The following UNC13B variants were observed in gnomAD, a reference collection of about 807,000 sequenced individuals.
UNC13B encodes the protein protein unc-13 homolog B.
Under a neutral mutation model 211.0 loss-of-function variants are expected in UNC13B, and 144 were observed. That is an observed-to-expected ratio of 0.68 (90% CI 0.60 to 0.78). UNC13B has a LOEUF of 0.78. Among genes scored for constraint, UNC13B ranks in the 30% least tolerant of loss-of-function variants. UNC13B has a pLI of 0.00. For synonymous variants in UNC13B, 709 were observed against 725.8 expected, an observed-to-expected ratio of 0.98 and a Z score of 0.37; for missense variants, 1,777 against 2,002.0, an observed-to-expected ratio of 0.89 and a Z score of 2.14.
In UNC13B at chr9:35,162,189, G is replaced by A; in HGVS notation, c.-95G>A. Reference sequence around the variant, plus strand: ...CATGAGGAGCTGCCAGACCCGTGGGGCCGGTAACGAGAGCAGTCGCGGCAC... The same window carrying A: ...CATGAGGAGCTGCCAGACCCGTGGGACCGGTAACGAGAGCAGTCGCGGCAC... On this transcript the variant is annotated 5_prime_UTR_variant, in exon 1 of 40. Coordinates refer to ENST00000635942, the MANE Select transcript of UNC13B (RefSeq NM_001371189.2). 1 of 1,524,410 alleles carries A rather than the reference G, an allele frequency of 6.6e-7. No individual in the cohort carries two copies. The highest frequency in any genetic ancestry group is 8.8e-7 in the Non-Finnish European group (1 of 1,133,610). The allele number at this position is 1,524,410 out of a possible 1,614,324, so 94.4% of individuals were successfully genotyped here.
chr9:35,290,188 T>C (rs1829020968), intron 7 of UNC13B, among the ~76,000 whole-genome samples: 1 of 152,066 alleles, frequency 6.6e-6, no homozygotes, highest in Non-Finnish European at 1.5e-5. Context: ...GCTTCTGTGT[T>C]TTAGTGGATT....
chr9:35,378,807 A>G (rs1834625438), intron 17 of UNC13B, among the ~76,000 whole-genome samples: 1 of 152,058 alleles, frequency 6.6e-6, no homozygotes, highest in East Asian at 1.9e-4. Context: ...AGGCTCTCAT[A>G]AGGAAGGCTC....
intron 9 of UNC13B, among the ~76,000 whole-genome samples, chr9:35,309,786 A>G (rs1189405559): frequency 2.0e-5 from 3 of 152,190 alleles, no homozygotes; most frequent in African/African-American, 7.2e-5. Context: ...TCAGTTACAG[A>G]TGTTCATCTT....
intron 11 of UNC13B, among the ~76,000 whole-genome samples, chr9:35,328,054 T>A (rs2131946317): frequency 6.6e-6 from 1 of 152,350 alleles, no homozygotes; most frequent in South Asian, 2.1e-4. Flanking sequence ...TGAGTCTCAC[T>A]CTGTTGCCCA....
In UNC13B at chr9:35,302,664, A is replaced by T. The variant is rs1267005247; in HGVS notation, c.3260A>T (p.Lys1087Ile). Reference sequence around the variant, plus strand: ...TTAGCCATCCCTGGAGTTGTGCCCAAAGAACATATAACTTCAGATCCTTTA... The same window carrying T: ...TTAGCCATCCCTGGAGTTGTGCCCATAGAACATATAACTTCAGATCCTTTA... ...DGLAIPGVVPKEHITSDPLGE... is the reference protein window; with the variant it reads ...DGLAIPGVVPIEHITSDPLGE... The change falls in exon 9 of 40, where the codon AAA becomes ATA. Residue 1087 changes from lysine to isoleucine, a missense_variant. Physicochemically the swap from Lys to Ile is moderately radical, Grantham distance 102. Transcript: ENST00000635942. The T allele has an allele frequency of 2.5e-6, 1 of 398,698 alleles. No individual in the cohort carries two copies. Among genetic ancestry groups the T allele is most frequent in the East Asian group, 3.6e-5 (1 of 28,064 alleles). 24.7% of individuals were successfully genotyped at this position (398,698 alleles called of 1,614,324 possible).
At chr9:35,217,894 A>AG (rs1174535670) in intron 1 of UNC13B, among the ~76,000 whole-genome samples, 1 of 152,068 alleles carries the variant, frequency 6.6e-6, no homozygotes, top group Non-Finnish European at 1.5e-5. Flanking sequence ...AAATAAAAAA[A>AG]TTAGCCAGGC....
chr9:35,208,694 A>T (rs1057395757), intron 1 of UNC13B, among the ~76,000 whole-genome samples: 2 of 152,210 alleles, frequency 1.3e-5, no homozygotes, highest in African/African-American at 4.8e-5. Context: ...AGAACAGCAC[A>T]AAGAGGATGG....
intron 3 of UNC13B, among the ~76,000 whole-genome samples, chr9:35,234,256 C>G (rs1439659448): frequency 5.3e-5 from 8 of 152,112 alleles, no homozygotes; most frequent in Admixed American, 5.2e-4. Context: ...ACTGGGACTA[C>G]AGATGCATGC....
Position 35,278,757 on chromosome 9 carries a change from A to G in UNC13B, c.527-16939A>G, listed in dbSNP as rs534059260. On this transcript the variant is annotated intron_variant, in intron 7 of 39. Transcript: ENST00000635942. Reference sequence around the variant, plus strand: ...TTATTTTTTGAAAGGAAACATGTGCATAAGGTACAAAATTCGATGTAAAAA... The same window carrying G: ...TTATTTTTTGAAAGGAAACATGTGCGTAAGGTACAAAATTCGATGTAAAAA... 7.6e-4 allele frequency among the ~76,000 whole-genome samples: 116 copies of G among 152,288 alleles called. 1 individual carries two copies. The South Asian group carries it at 0.019, about 24-fold the overall frequency.
chr9:35,401,935 G>A (rs1443161397), intron 37 of UNC13B: 2 of 1,550,196 alleles, frequency 1.3e-6, no homozygotes, highest in East Asian at 2.4e-5. Context: ...CCTCTGACTT[G>A]CCTGTCCTCA....
chr9:35,385,233 T>A, intron 22 of UNC13B: 1 of 985,472 alleles, frequency 1.0e-6, no homozygotes. Context: ...TGCTCAGAGA[T>A]CTGCCATCTG....
At chr9:35,393,865 C>T (rs1478802696) in intron 26 of UNC13B, among the ~76,000 whole-genome samples, 4 of 152,092 alleles carry the variant, frequency 2.6e-5, no homozygotes, top group African/African-American at 7.2e-5. Context: ...GCCAATGCAT[C>T]CAGCTGACTT....
chr9:35,392,053 G>A (rs1587759859), intron 26 of UNC13B, among the ~76,000 whole-genome samples: 1 of 152,172 alleles, frequency 6.6e-6, no homozygotes, highest in Admixed American at 6.6e-5. Context: ...CGCCTATGTA[G>A]CACTGTGAAT....
At chr9:35,334,617 A>T (rs1587643146) in intron 11 of UNC13B, among the ~76,000 whole-genome samples, 1 of 152,212 alleles carries the variant, frequency 6.6e-6, no homozygotes, top group Non-Finnish European at 1.5e-5. Context: ...TTTTCCTTGC[A>T]TACTTACAGG....
intron 37 of UNC13B, chr9:35,401,961 G>A (rs1485490057): frequency 6.4e-7 from 1 of 1,550,674 alleles, no homozygotes; most frequent in East Asian, 2.4e-5. Context: ...TGCATGATGG[G>A]AAAGGTATTA....
chr9:35,243,374 G>A lies in UNC13B; in HGVS notation c.468+10G>A. ...GGGAGCTGACAATGAGGTAGGAGCA[G>A]CCTTATTTGCAGTATAGAGAGATGG... On this transcript the variant is annotated intron_variant, in intron 6 of 39. Coordinates refer to ENST00000635942, the MANE Select transcript of UNC13B (RefSeq NM_001371189.2). 1 of 1,613,316 alleles carries A rather than the reference G, an allele frequency of 6.2e-7. No individual in the cohort carries two copies. The highest frequency in any genetic ancestry group is 8.5e-7 in the Non-Finnish European group (1 of 1,179,500).
intron 7 of UNC13B, among the ~76,000 whole-genome samples, chr9:35,286,769 T>G (rs1216541253): frequency 6.6e-6 from 1 of 152,072 alleles, no homozygotes; most frequent in African/African-American, 2.4e-5. Context: ...CCCAAAACTG[T>G]GGATTTTTGG....
chr9:35,403,412 C>G lies in UNC13B; in HGVS notation c.12578-28C>G, dbSNP rs369598434. 8 of 1,610,626 alleles carry G rather than the reference C, an allele frequency of 5.0e-6. No homozygotes were observed. The African/African-American group carries it at 9.4e-5, about 19-fold the overall frequency. On this transcript the variant is annotated intron_variant, in intron 38 of 39. Transcript: ENST00000635942. ...AAGAACTGGGAAATCCTGGTGGGATCCCTCACAGGTTTCCCTTGTTTGGGC... is the reference window on the plus strand; with the variant it reads ...AAGAACTGGGAAATCCTGGTGGGATGCCTCACAGGTTTCCCTTGTTTGGGC...
chr9:35,201,795 T>C (rs1278006856), intron 1 of UNC13B, among the ~76,000 whole-genome samples: 1 of 152,176 alleles, frequency 6.6e-6, no homozygotes, highest in Non-Finnish European at 1.5e-5. Context: ...AGCTCCTGGA[T>C]TCATTGATTT....
Sources: gnomAD v4.1 joint callset for allele counts (sites outside exome capture counted in the v4.1 genomes callset) on GRCh38, gnomAD v4.1.1 for gene constraint, MANE v1.5 for transcripts, NCBI Gene and HGNC (gene_info 2026-07-23, HGNC 2026-07-21) for gene names.